CAST: variants seen among roughly 807,000 people sequenced by gnomAD.
CAST encodes the protein MIR583 host.
Under a neutral mutation model 119.6 loss-of-function variants are expected in CAST, and 76 were observed. The ratio of observed to expected loss-of-function variants is 0.64; its 90% confidence interval spans 0.53 to 0.77. CAST has a LOEUF of 0.77. CAST is among the 30% of genes least tolerant of loss of function. The pLI is 0.00. For synonymous variants in CAST, 319 were observed against 331.6 expected (o/e 0.96, Z 0.41); for missense variants, 953 against 946.5 (o/e 1.01, Z -0.09).
chr5:96,534,743 A>AAAG lies in CAST; in HGVS notation c.60+4864_60+4865insAGA, dbSNP rs1745759326. On this transcript the variant is annotated intron_variant, in intron 1 of 11. Coordinates refer to the CAST transcript ENST00000505143. ...AGAGAGAGAGAGAGAGAGAGAGAGAAAGAAAGAAAGAAAGAAAGAAAGAAA... is the reference window on the plus strand; with the variant it reads ...AGAGAGAGAGAGAGAGAGAGAGAGAAAAGAGAAAGAAAGAAAGAAAGAAAGAAA... Among the ~76,000 whole-genome samples the AAAG allele has an allele frequency of 8.8e-5, 5 of 56,602 alleles. 1 individual carries two copies. Among genetic ancestry groups the AAAG allele is most frequent in the African/African-American group, 3.2e-4 (4 of 12,316 alleles). 37.1% of individuals were successfully genotyped at this position (56,602 alleles called of 152,430 possible).
the CAST span, among the ~76,000 whole-genome samples, chr5:96,355,018 C>CT: frequency 4.6e-5 from 7 of 151,482 alleles, no homozygotes; most frequent in Non-Finnish European, 7.4e-5. Flanking sequence ...CTTTATAGTT[C>CT]TTTTTTTTAT....
At chr5:96,258,398 T>C in the CAST span, among the ~76,000 whole-genome samples, 1 of 152,190 alleles carries the variant, frequency 6.6e-6, no homozygotes, top group Admixed American at 6.5e-5. Context: ...TTACCTTCAT[T>C]TTGAAAAAAT....
chr5:96,034,154 A>G, the CAST span, among the ~76,000 whole-genome samples: 1 of 152,068 alleles, frequency 6.6e-6, no homozygotes, highest in Non-Finnish European at 1.5e-5. Context: ...ACCCCAATAG[A>G]CATTTCTCAA....
chr5:96,688,488 C>T (rs1752330974), intron 2 of CAST, among the ~76,000 whole-genome samples: 1 of 152,062 alleles, frequency 6.6e-6, no homozygotes, highest in African/African-American at 2.4e-5. Flanking sequence ...AAGGAAACAC[C>T]TGTATGGAAG....
intron 3 of CAST, among the ~76,000 whole-genome samples, chr5:96,705,763 T>C (rs1754836335): frequency 6.6e-6 from 1 of 152,198 alleles, no homozygotes; most frequent in African/African-American, 2.4e-5. Flanking sequence ...CACTATATTC[T>C]AAGCACATAC....
Position 96,750,651 on chromosome 5 carries a change from T to C in CAST, c.1493T>C (p.Ile498Thr). The change falls in exon 20 of 32, where the codon ATA (isoleucine) becomes ACA (threonine). Residue 498 changes from isoleucine to threonine, a missense_variant. Coordinates refer to ENST00000675179, the MANE Select transcript of CAST (RefSeq NM_001750.7). ...EAVCRTSMCS[I>T]QSAPPEPATL... ...GTGTGTCGGACCTCCATGTGTAGTATACAGTCAGCACCCCCTGAGCCGGCT... is the reference window on the plus strand; with the variant it reads ...GTGTGTCGGACCTCCATGTGTAGTACACAGTCAGCACCCCCTGAGCCGGCT... 4 of 1,613,430 alleles carry C rather than the reference T, an allele frequency of 2.5e-6. No individual in the cohort carries two copies. The highest frequency in any genetic ancestry group is 1.7e-4 in the Middle Eastern group (1 of 6,052).
At chr5:96,598,674 G>T (rs1010943554) in intron 1 of CAST, among the ~76,000 whole-genome samples, 6 of 152,190 alleles carry the variant, frequency 3.9e-5, no homozygotes, top group African/African-American at 1.4e-4. Flanking sequence ...GGGTGCCCAG[G>T]TATTTGGTCA....
At chr5:96,575,520 A>G (rs1188990664) in intron 1 of CAST, among the ~76,000 whole-genome samples, 1 of 152,140 alleles carries the variant, frequency 6.6e-6, no homozygotes, top group Non-Finnish European at 1.5e-5. Context: ...ATTAAGTATG[A>G]TGTCAGCTGT....
the CAST span, among the ~76,000 whole-genome samples, chr5:96,448,700 C>T: frequency 2.0e-5 from 3 of 152,098 alleles, no homozygotes; most frequent in East Asian, 5.8e-4. Context: ...AGAGTATGCC[C>T]AGGTTTACCA....
At chr5:96,037,934 C>T in the CAST span, among the ~76,000 whole-genome samples, 2 of 152,126 alleles carry the variant, frequency 1.3e-5, no homozygotes, top group African/African-American at 4.8e-5. Flanking sequence ...TCTCTGTCCA[C>T]ATGGCCTTTT....
chr5:96,029,075 C>G, the CAST span, among the ~76,000 whole-genome samples: 1 of 152,112 alleles, frequency 6.6e-6, no homozygotes, highest in Non-Finnish European at 1.5e-5. Flanking sequence ...CCTACAATAT[C>G]TTCAGGATCT....
intron 1 of CAST, among the ~76,000 whole-genome samples, chr5:96,649,449 C>T (rs1748065307): frequency 1.3e-5 from 2 of 152,322 alleles, no homozygotes; most frequent in South Asian, 4.1e-4. Context: ...TAACCTCTCC[C>T]AGGATCCATT....
At chr5:96,532,887 T>C (rs1393975735) in intron 1 of CAST, among the ~76,000 whole-genome samples, 1 of 151,954 alleles carries the variant, frequency 6.6e-6, no homozygotes, top group Non-Finnish European at 1.5e-5. Flanking sequence ...TCAGCCAGGA[T>C]GGTGGTGCAC....
chr5:96,665,727 CACACACACACACACAT>C (rs1269429069), intron 1 of CAST, among the ~76,000 whole-genome samples: 2 of 149,614 alleles, frequency 1.3e-5, no homozygotes, highest in African/African-American at 2.4e-5. Flanking sequence ...CAGTTTATAA[CACACACACACACACAT>C]ACACACACAC....
At chr5:96,068,778 TA>T in the CAST span, among the ~76,000 whole-genome samples, 83 of 151,384 alleles carry the variant, frequency 5.5e-4, no homozygotes, top group Non-Finnish European at 1.0e-3. Flanking sequence ...TTAACTTAAA[TA>T]TATACACATG....
intron 2 of CAST, among the ~76,000 whole-genome samples, chr5:96,679,880 CCT>C (rs1205798443): frequency 3.3e-5 from 5 of 151,706 alleles, no homozygotes; most frequent in East Asian, 1.9e-4. Context: ...ACAATATTAC[CCT>C]GAGTCTTACC....
At chr5:96,117,870 T>A in the CAST span, among the ~76,000 whole-genome samples, 3 of 152,238 alleles carry the variant, frequency 2.0e-5, no homozygotes, top group African/African-American at 7.2e-5. Flanking sequence ...GATGTTCTTT[T>A]TCCTAGCATG....
At chr5:96,048,699 A>C in the CAST span, among the ~76,000 whole-genome samples, 6 of 152,084 alleles carry the variant, frequency 3.9e-5, no homozygotes, top group Non-Finnish European at 8.8e-5. Flanking sequence ...ACATGTCCCA[A>C]ATATGTCAGA....
chr5:96,592,132 C>T (rs190458954), intron 1 of CAST, among the ~76,000 whole-genome samples: 96 of 152,286 alleles, frequency 6.3e-4, no homozygotes, highest in African/African-American at 2.2e-3. Context: ...TGCGGTGGCT[C>T]ATGCCTGTGG....
Sources: allele counts gnomAD v4.1 joint callset (sites outside exome capture counted in the v4.1 genomes callset), GRCh38; gene constraint gnomAD v4.1.1; transcripts MANE v1.5; gene names NCBI Gene and HGNC (gene_info 2026-07-23, HGNC 2026-07-21).